Variants in ESAM observed in about 807,000 individuals in gnomAD.
ESAM encodes the protein endothelial cell adhesion molecule.
ESAM carries 23 observed loss-of-function variants against 31.8 expected under a neutral mutation model. That is an observed-to-expected ratio of 0.72 (90% CI 0.52 to 1.03). The LOEUF (loss-of-function observed/expected upper bound fraction) is 1.03, where lower values mean the gene tolerates loss of function less well. Ranked by LOEUF, ESAM falls within the 50% of genes least tolerant of loss-of-function variation. The probability of loss-of-function intolerance (pLI) is 0.00; values close to 1 mark genes in which losing one functional copy is unlikely to be tolerated. For synonymous variants in ESAM, 216 were observed against 207.2 expected (o/e 1.04, Z -0.37); for missense variants, 478 against 488.9 (o/e 0.98, Z 0.21).
At chr11:124,758,553 G>A (rs1944185957) in intron 1 of ESAM, 26 bp from the exon 2 acceptor site, 2 of 1,486,832 alleles carry the variant, frequency 1.3e-6, no homozygotes, top group South Asian at 2.7e-5. Context: ...AGGCGTGAGT[G>A]CCCAGGACCG....
Position 124,754,610 on chromosome 11 carries a change from CTCT to C in ESAM, c.730+28_730+30del, listed in dbSNP as rs773024644. 1.3e-5 allele frequency: 20 copies of C among 1,596,812 alleles called. No individual in the cohort carries two copies. The Admixed American group carries it at 1.7e-4, about 14-fold the overall frequency. ...GCAACCCCTCCCCCACCATTGACCACTCTTCTTAACCACACTTACCCCTCACTG... is the reference window on the plus strand; with the variant it reads ...GCAACCCCTCCCCCACCATTGACCACTCTTAACCACACTTACCCCTCACTG... On this transcript the variant is annotated intron_variant, in intron 5 of 6. Coordinates refer to ENST00000278927, the MANE Select transcript of ESAM (RefSeq NM_138961.3). This position sits in a 1 kb window ranked among gnomAD's most constrained non-coding sequence, Gnocchi z 4.5.
Position 124,762,219 on chromosome 11 carries a change from G to A in ESAM, c.-65C>T. The A allele has an allele frequency of 7.6e-7, 1 of 1,315,534 alleles. No individual in the cohort carries two copies. The highest frequency in any genetic ancestry group is 1.0e-6 in the Non-Finnish European group (1 of 971,914). The allele number at this position is 1,315,534 out of a possible 1,614,324, so 81.5% of individuals were successfully genotyped here. On this transcript the variant is annotated 5_prime_UTR_variant, in exon 1 of 7. Transcript: ENST00000278927. This position sits in a 1 kb window ranked among gnomAD's most constrained non-coding sequence, Gnocchi z 6.4. Reference sequence around the variant, plus strand: ...CGGGACGCACGGACCTGCAGGTGCCGAGGCTGCGCGACGGCCGGAGCGTGC... The same window carrying A: ...CGGGACGCACGGACCTGCAGGTGCCAAGGCTGCGCGACGGCCGGAGCGTGC...
In ESAM at chr11:124,753,968, A is replaced by G; in HGVS notation, c.858-7T>C. 1.9e-6 allele frequency: 3 copies of G among 1,612,504 alleles called. No individual in the cohort carries two copies. The highest frequency in any genetic ancestry group is 2.5e-6 in the Non-Finnish European group (3 of 1,179,598). ...GGGAGCAATGGCATCCTCCCTAGTC[A>G]TCAAAGAAATAACAAGAGGTCAGAA... On this transcript the variant is annotated splice_polypyrimidine_tract_variant and splice_region_variant and intron_variant, in intron 6 of 6. Coordinates refer to ENST00000278927, the MANE Select transcript of ESAM (RefSeq NM_138961.3).
At chr11:124,758,661 C>G in intron 1 of ESAM, 134 bp from the exon 2 acceptor site, 1 of 1,076,132 alleles carries the variant, frequency 9.3e-7, no homozygotes, top group East Asian at 2.7e-5. Flanking sequence ...GGGTCCGGCC[C>G]CTGGAGGCCT....
rs1944195674 is a variant in ESAM at position 124,759,188 on chromosome 11, G to C, written c.71-661C>G. The stretch of plus-strand genomic sequence containing the variant: ...GTTGAAACCCAGAAAGCTCCTCGGA[G>C]CCCTTCTGGGGTTCGGGCGATCTGG... On this transcript the variant is annotated intron_variant, in intron 1 of 6. Transcript: ENST00000278927. This position sits in a 1 kb window ranked among gnomAD's most constrained non-coding sequence, Gnocchi z 6.8. 2.0e-5 allele frequency: 3 copies of C among 152,220 alleles called. No individual in the cohort carries two copies. The highest frequency in any genetic ancestry group is 7.2e-5 in the African/African-American group (3 of 41,452). 9.4% of individuals were successfully genotyped at this position (152,220 alleles called of 1,614,324 possible).
chr11:124,758,487 G>A lies in ESAM; in HGVS notation c.111C>T (p.Ala37=), dbSNP rs537203545. 6.2e-7 allele frequency: 1 copy of A among 1,607,354 alleles called. No homozygotes were observed. Among genetic ancestry groups the A allele is most frequent in the African/African-American group, 1.3e-5 (1 of 74,886 alleles). ...CTCCCTCCACCGCCTGCAACCGGTT[G>A]GCGGGCAAGTGCAGTTGCAGCTGGG... is the stretch of plus-strand genomic sequence containing the variant. ...SRAQLQLHLP[A]NRLQAVEGGE... The change falls in exon 2 of 7, where the codon GCC becomes GCT. Residue 37 remains alanine, a synonymous_variant. Coordinates refer to ENST00000278927, the MANE Select transcript of ESAM (RefSeq NM_138961.3).
Position 124,754,436 on chromosome 11 carries a change from T to G in ESAM, c.731-96A>C. The G allele has an allele frequency of 2.0e-6, 3 of 1,505,900 alleles. No homozygotes were observed. The highest frequency in any genetic ancestry group is 2.7e-6 in the Non-Finnish European group (3 of 1,119,628). 93.3% of individuals were successfully genotyped at this position (1,505,900 alleles called of 1,614,324 possible). ...CCCACCCCATCTGCCACCATACACATTCCCTCTTTTTCCCTGTCAAGAAGA... is the reference window on the plus strand; with the variant it reads ...CCCACCCCATCTGCCACCATACACAGTCCCTCTTTTTCCCTGTCAAGAAGA... On this transcript the variant is annotated intron_variant, in intron 5 of 6. Transcript: ENST00000278927. The surrounding 1 kb of genome is among the most constrained non-coding windows in gnomAD (Gnocchi z 4.5).
rs1944204396 is a variant in ESAM, at chr11:124,759,697, C to G, written c.71-1170G>C. ...CCCACCGCTTCCCGGCTGCGCCGTA[C>G]AGAACCCCCACCTCTGTTACTTGGC... On this transcript the variant is annotated intron_variant, in intron 1 of 6. Coordinates refer to ENST00000278927, the MANE Select transcript of ESAM (RefSeq NM_138961.3). This position sits in a 1 kb window ranked among gnomAD's most constrained non-coding sequence, Gnocchi z 6.8. Among the ~76,000 whole-genome samples, 1 of 152,250 alleles carries G rather than the reference C, an allele frequency of 6.6e-6. No individual in the cohort carries two copies. The highest frequency in any genetic ancestry group is 1.5e-5 in the Non-Finnish European group (1 of 68,036).
chr11:124,754,182 C>G lies in ESAM; in HGVS notation c.857+32G>C. The G allele has an allele frequency of 6.2e-7, 1 of 1,605,488 alleles. No homozygotes were observed. Among genetic ancestry groups the G allele is most frequent in the Non-Finnish European group, 8.5e-7 (1 of 1,175,380 alleles). ...GCCTCTGTGAGGAGAGCTGGGAGAGCCCCCGCTGCAGCAGACACCAGGGAC... is the reference window on the plus strand; with the variant it reads ...GCCTCTGTGAGGAGAGCTGGGAGAGGCCCCGCTGCAGCAGACACCAGGGAC... On this transcript the variant is annotated intron_variant, in intron 6 of 6. Coordinates refer to ENST00000278927, the MANE Select transcript of ESAM (RefSeq NM_138961.3). The surrounding 1 kb of genome is among the most constrained non-coding windows in gnomAD (Gnocchi z 4.5).
intron 1 of ESAM, among the ~76,000 whole-genome samples, chr11:124,760,694 C>T (rs1316783062): frequency 6.6e-6 from 1 of 152,224 alleles, no homozygotes; most frequent in Non-Finnish European, 1.5e-5. Context: ...GTCTGACAAA[C>T]TGAGGCTCAA....
rs769142882 is a variant in ESAM, at chr11:124,753,831, C to T, written c.988G>A (p.Ala330Thr). The part of the protein sequence containing the change: ...RPPHGPPRPG[A>T]LTPTPSLSSQ... The stretch of plus-strand genomic sequence containing the variant: ...GAGAGACTGGGCGTGGGGGTCAATG[C>T]ACCAGGCCTGGGAGGGCCATGGGGT... Residue 330 changes from alanine to threonine, a missense_variant, in exon 7 of 7, where the codon GCA becomes ACA. Ala to Thr is a moderately conservative substitution (Grantham distance 58). Transcript: ENST00000278927. 1.9e-6 allele frequency: 3 copies of T among 1,613,334 alleles called. No homozygotes were observed. Among genetic ancestry groups the T allele is most frequent in the South Asian group, 2.2e-5 (2 of 90,956 alleles).
chr11:124,760,434 C>A (rs1944213863), intron 1 of ESAM, among the ~76,000 whole-genome samples: 1 of 152,242 alleles, frequency 6.6e-6, no homozygotes, highest in East Asian at 1.9e-4. Flanking sequence ...GCCCGCTCCC[C>A]GGGGCTATTT....
At chr11:124,757,720 C>CAA (rs1260494378) in intron 2 of ESAM, among the ~76,000 whole-genome samples, 2 of 124,432 alleles carry the variant, frequency 1.6e-5, no homozygotes, top group African/African-American at 6.6e-5. Context: ...TTTTTTGAGA[C>CAA]AGAGTCTTAC....
Position 124,758,225 on chromosome 11 carries a change from C to T in ESAM, c.249+124G>A, listed in dbSNP as rs898988524. 3 of 1,134,680 alleles carry T rather than the reference C, an allele frequency of 2.6e-6. No homozygotes were observed. In the Admixed American group the frequency reaches 6.4e-5, roughly 24 times the overall value. 70.3% of individuals were successfully genotyped at this position (1,134,680 alleles called of 1,614,324 possible). On this transcript the variant is annotated intron_variant, in intron 2 of 6. Transcript: ENST00000278927. ...AAAACTGAACTGGTGAAGACTTCTG[C>T]TTTTCCCTGAAACTCCTTCCCCGGC...
At chr11:124,758,699 A>C (rs1467712205) in intron 1 of ESAM, among the ~76,000 whole-genome samples, 172 bp from the exon 2 acceptor site, 1 of 152,214 alleles carries the variant, frequency 6.6e-6, no homozygotes, top group Admixed American at 6.5e-5. Context: ...CCACTGGCTC[A>C]GTGTCCTGCT....
At position 124,754,604 on chromosome 11, in the gene ESAM, T is replaced by C. The variant is rs986450708; in HGVS notation, c.730+37A>G. The C allele has an allele frequency of 3.1e-6, 5 of 1,593,184 alleles. No individual in the cohort carries two copies. In the African/African-American group the frequency reaches 6.7e-5, roughly 21 times the overall value. The stretch of plus-strand genomic sequence containing the variant: ...CCACTTGCAACCCCTCCCCCACCAT[T>C]GACCACTCTTCTTAACCACACTTAC... On this transcript the variant is annotated intron_variant, in intron 5 of 6. Coordinates refer to ENST00000278927, the MANE Select transcript of ESAM (RefSeq NM_138961.3). This position sits in a 1 kb window ranked among gnomAD's most constrained non-coding sequence, Gnocchi z 4.5.
rs574612946 is a variant in ESAM at position 124,756,551 on chromosome 11, G to T, written c.441C>A (p.Leu147=). The T allele has an allele frequency of 6.2e-7, 1 of 1,614,068 alleles. No individual in the cohort carries two copies. The highest frequency in any genetic ancestry group is 1.3e-5 in the African/African-American group (1 of 75,054). The change falls in exon 3 of 7, where the codon CTC becomes CTA. Residue 147 remains leucine (L), a synonymous_variant. Transcript: ENST00000278927. ...CTGCTTCTCACTCACCCAGTACATTGAGTTCTAAGGTTTTGATGCTGTGGC... is the reference window on the plus strand; with the variant it reads ...CTGCTTCTCACTCACCCAGTACATTTAGTTCTAAGGTTTTGATGCTGTGGC... ...SRGHSIKTLE[L]NVLVPPAPPS...
chr11:124,754,093 C>T lies in ESAM; in HGVS notation c.857+121G>A. ...TCCTTTCCCTCTCCCTTAAAACCTG[C>T]CCATAGGAATGATGTTTCAGCCACT... On this transcript the variant is annotated intron_variant, in intron 6 of 6. Coordinates refer to ENST00000278927, the MANE Select transcript of ESAM (RefSeq NM_138961.3). The surrounding 1 kb of genome is among the most constrained non-coding windows in gnomAD (Gnocchi z 4.5). The T allele has an allele frequency of 6.4e-7, 1 of 1,550,956 alleles. No homozygotes were observed. Among genetic ancestry groups the T allele is most frequent in the Non-Finnish European group, 8.7e-7 (1 of 1,144,736 alleles).
At chr11:124,755,210 G>T (rs1347268170) in intron 4 of ESAM, among the ~76,000 whole-genome samples, 2 of 152,040 alleles carry the variant, frequency 1.3e-5, no homozygotes, top group Non-Finnish European at 1.5e-5. Flanking sequence ...CCTCCCTGAG[G>T]GTGTTGAAAG....
Sources: allele counts gnomAD v4.1 joint callset (sites outside exome capture counted in the v4.1 genomes callset), GRCh38; gene constraint gnomAD v4.1.1; non-coding constraint Gnocchi (gnomAD v3.1); transcripts MANE v1.5; gene names NCBI Gene and HGNC (gene_info 2026-07-23, HGNC 2026-07-21).